ERAP1: variants seen among roughly 807,000 people sequenced by gnomAD.
The protein encoded by ERAP1 is endoplasmic reticulum aminopeptidase 1.
Under a neutral mutation model 103.7 loss-of-function variants are expected in ERAP1, and 86 were observed. The ratio of observed to expected loss-of-function variants is 0.83; its 90% CI spans 0.70 to 0.99. The LOEUF (loss-of-function observed/expected upper bound fraction) is 0.99, where lower values mean the gene tolerates loss of function less well. Among genes scored for constraint, ERAP1 ranks in the 50% least tolerant of loss-of-function variants. The pLI, the probability that ERAP1 is intolerant of heterozygous loss-of-function variation, is 0.00. For synonymous variants in ERAP1, 398 were observed against 402.4 expected, an observed-to-expected ratio of 0.99 and a Z score of 0.13; for missense variants, 1,009 against 1,128.4, an observed-to-expected ratio of 0.89 and a Z score of 1.52.
chr5:96,819,930 C>G, the ERAP1 span, among the ~76,000 whole-genome samples: 1 of 152,198 alleles, frequency 6.6e-6, no homozygotes, highest in Non-Finnish European at 1.5e-5. Flanking sequence ...AGGTCTAGCA[C>G]TTGGGTAGTT....
chr5:96,864,672 C>T, the ERAP1 span, among the ~76,000 whole-genome samples: 3 of 151,998 alleles, frequency 2.0e-5, no homozygotes, highest in Non-Finnish European at 4.4e-5. Flanking sequence ...TGGAAGGATA[C>T]AATGCTTTAA....
At chr5:96,825,148 G>A in the ERAP1 span, among the ~76,000 whole-genome samples, 1 of 152,178 alleles carries the variant, frequency 6.6e-6, no homozygotes, top group Non-Finnish European at 1.5e-5. Flanking sequence ...TCTAAGCACT[G>A]CTTTCTCTGC....
chr5:96,791,170 G>C (rs1395269445), intron 8 of ERAP1, among the ~76,000 whole-genome samples: 1 of 152,144 alleles, frequency 6.6e-6, no homozygotes, highest in Non-Finnish European at 1.5e-5. Context: ...AAGGGAACAA[G>C]AGTCTTCCCA....
chr5:96,887,122 CACACAT>C, the ERAP1 span, among the ~76,000 whole-genome samples: 109 of 126,378 alleles, frequency 8.6e-4, no homozygotes, highest in African/African-American at 3.0e-3. Flanking sequence ...CACACACACA[CACACAT>C]ACATATATAC....
At chr5:96,858,609 C>CT in the ERAP1 span, among the ~76,000 whole-genome samples, 2 of 152,180 alleles carry the variant, frequency 1.3e-5, no homozygotes, top group Non-Finnish European at 2.9e-5. Flanking sequence ...CTGAATGTGT[C>CT]TAAGATTTCT....
chr5:96,877,484 C>T, the ERAP1 span, among the ~76,000 whole-genome samples: 1 of 152,202 alleles, frequency 6.6e-6, no homozygotes, highest in African/African-American at 2.4e-5. Flanking sequence ...AATTTCATAT[C>T]CAACACTAAT....
At chr5:96,889,726 T>C in the ERAP1 span, among the ~76,000 whole-genome samples, 15 of 152,018 alleles carry the variant, frequency 9.9e-5, no homozygotes, top group Admixed American at 9.8e-4. Context: ...AACGCTCTCA[T>C]CCATTATGCT....
At chr5:96,867,295 C>CTGCACCCAG in the ERAP1 span, among the ~76,000 whole-genome samples, 1 of 152,128 alleles carries the variant, frequency 6.6e-6, no homozygotes, top group Non-Finnish European at 1.5e-5. Flanking sequence ...GCATGAACCA[C>CTGCACCCAG]CGTGCTGGGC....
At chr5:96,787,674 A>G (rs1453682373) in intron 11 of ERAP1, among the ~76,000 whole-genome samples, 1 of 152,146 alleles carries the variant, frequency 6.6e-6, no homozygotes, top group African/African-American at 2.4e-5. Context: ...CCAAGTATAT[A>G]CATACAGACA....
the ERAP1 span, among the ~76,000 whole-genome samples, chr5:96,868,926 C>T: frequency 6.6e-6 from 1 of 152,000 alleles, no homozygotes; most frequent in African/African-American, 2.4e-5. Context: ...CCAAGCCTAC[C>T]TATAAATCTG....
chr5:96,909,432 G>T, the ERAP1 span: 1 of 690,002 alleles, frequency 1.4e-6, no homozygotes. Flanking sequence ...GTAACAGCCA[G>T]AAAAAGATAA....
chr5:96,797,084 C>T (rs1777423481), intron 4 of ERAP1, 91 bp downstream of exon 4: 2 of 1,496,744 alleles, frequency 1.3e-6, no homozygotes, highest in East Asian at 2.3e-5. Context: ...ACACGCACGA[C>T]CCACTGCGCT....
intron 4 of ERAP1, among the ~76,000 whole-genome samples, chr5:96,796,963 A>G (rs965714989): frequency 4.6e-5 from 7 of 151,858 alleles, no homozygotes; most frequent in African/African-American, 1.7e-4. Flanking sequence ...TTTTTATTTT[A>G]TTTTTTGCAG....
chr5:96,867,296 C>T, the ERAP1 span, among the ~76,000 whole-genome samples: 8 of 151,800 alleles, frequency 5.3e-5, no homozygotes, highest in African/African-American at 1.2e-4. Flanking sequence ...CATGAACCAC[C>T]GTGCTGGGCT....
At chr5:96,879,775 C>T in the ERAP1 span, 1 of 1,614,172 alleles carries the variant, frequency 6.2e-7, no homozygotes. Flanking sequence ...CCATCTTGCC[C>T]CAAATATGCA....
rs1774329446 is a variant in ERAP1, at chr5:96,776,514, G to A, written c.2708C>T (p.Ser903Phe). ...GFFSSLKENG[S>F]QLRCVQQTIE... ...TGTCTGTTGGACACAACGGAGCTGA[G>A]AACCATTTTCTTTCAAAGAGCTGAA... Residue 903 changes from serine (S) to phenylalanine (F), a missense_variant, in exon 19 of 19, where the codon TCT becomes TTT. By Grantham distance (155) the Ser-to-Phe change is radical. Transcript: ENST00000443439. 6.2e-7 allele frequency: 1 copy of A among 1,614,104 alleles called. No individual in the cohort carries two copies. Among genetic ancestry groups the A allele is most frequent in the Non-Finnish European group, 8.5e-7 (1 of 1,180,014 alleles).
chr5:96,765,326 GTAAA>G lies in ERAP1; in HGVS notation c.2819-2102_2819-2099del, dbSNP rs1581394349. ...CAAACCAATGGAAGATAAAGTAAAG[GTAAA>G]AAAAAAAAAAAAAAAAAAAAAAATT... On this transcript the variant is annotated intron_variant, in intron 19 of 19. Transcript: ENST00000296754. The G allele has an allele frequency of 1.7e-5, 7 of 402,490 alleles. No individual in the cohort carries two copies. The East Asian group carries it at 3.6e-4, about 21-fold the overall frequency. The allele number at this position is 402,490 out of a possible 1,614,324, so 24.9% of individuals were successfully genotyped here.
chr5:96,862,049 T>A, the ERAP1 span, among the ~76,000 whole-genome samples: 1 of 152,212 alleles, frequency 6.6e-6, no homozygotes, highest in Non-Finnish European at 1.5e-5. Context: ...AGTGCAATCA[T>A]GGCTTACTGC....
At chr5:96,875,173 G>A in the ERAP1 span, among the ~76,000 whole-genome samples, 1 of 152,186 alleles carries the variant, frequency 6.6e-6, no homozygotes, top group Non-Finnish European at 1.5e-5. Context: ...TTGTGAGGAA[G>A]GATGAGGACC....
Sources: allele counts gnomAD v4.1 joint callset (sites outside exome capture counted in the v4.1 genomes callset), GRCh38; gene constraint gnomAD v4.1.1; transcripts MANE v1.5; gene names NCBI Gene and HGNC (gene_info 2026-07-23, HGNC 2026-07-21).